ZNF727: variants seen among roughly 807,000 people sequenced by gnomAD.
ZNF727 encodes the protein putative zinc finger protein 727.
In ZNF727, 11 loss-of-function variants were observed where a neutral mutation model predicts 11.5. The observed-to-expected ratio is 0.95, with a 90% CI of 0.60 to 1.58. ZNF727 has a LOEUF of 1.58. ZNF727 is among the 40% of genes most tolerant of loss of function. The pLI is 0.00. For synonymous variants in ZNF727, 171 were observed against 196.1 expected, an observed-to-expected ratio of 0.87 and a Z score of 1.07; for missense variants, 533 against 581.7, an observed-to-expected ratio of 0.92 and a Z score of 0.86.
chr7:64,052,879 G>A (rs571475034), intron 1 of ZNF727, among the ~76,000 whole-genome samples: 1 of 152,176 alleles, frequency 6.6e-6, no homozygotes, highest in Non-Finnish European at 1.5e-5. Flanking sequence ...AAACTTGCGT[G>A]AGACCTGTAG....
intron 1 of ZNF727, among the ~76,000 whole-genome samples, chr7:64,067,523 G>C (rs1342235360): frequency 6.6e-6 from 1 of 152,138 alleles, no homozygotes; most frequent in Non-Finnish European, 1.5e-5. Context: ...TAAAGAAAAT[G>C]TGGCACATAA....
At chr7:64,068,791 C>T in intron 1 of ZNF727, 100 bp from the exon 2 acceptor site, 2 of 1,345,328 alleles carry the variant, frequency 1.5e-6, no homozygotes, top group South Asian at 1.3e-5. Context: ...ACTCCAGTAA[C>T]TCATATAAGT....
In ZNF727 at chr7:64,079,791, CTG is replaced by C. The variant is rs1263248238; in HGVS notation, c.*1244_*1245del. On this transcript the variant is annotated 3_prime_UTR_variant, in exon 4 of 4. Transcript: ENST00000456806. The stretch of plus-strand genomic sequence containing the variant: ...GTACTTTAGTGTGTTTTTGTAGTGA[CTG>C]TTTATAGTCTTTTTCTTATTTAGGG... Among the ~76,000 whole-genome samples the C allele has an allele frequency of 6.6e-6, 1 of 152,052 alleles. No individual in the cohort carries two copies. Among genetic ancestry groups the C allele is most frequent in the Non-Finnish European group, 1.5e-5 (1 of 68,006 alleles).
chr7:64,078,166 T>A lies in ZNF727; in HGVS notation c.1117T>A (p.Cys373Ser). 3 of 1,596,536 alleles carry A rather than the reference T, an allele frequency of 1.9e-6. No homozygotes were observed. Among genetic ancestry groups the A allele is most frequent in the Non-Finnish European group, 2.6e-6 (3 of 1,170,924 alleles). The change falls in exon 4 of 4, where the codon TGT becomes AGT. Residue 373 changes from cysteine (C) to serine (S), a missense_variant. Physicochemically the swap from Cys to Ser is moderately radical, Grantham distance 112 (BLOSUM62 -1). This residue lies in a region of ZNF727 where 463 missense variants were observed against 494.5 expected (regional missense o/e 0.94). Coordinates refer to ENST00000456806, the MANE Select transcript of ZNF727 (RefSeq NM_001159522.3). ...ATTGAGACCTTACAAATGTGAAGAA[T>A]GTGGCAAAACCTTTAAGTGGTTCTC... ...MELRPYKCEECGKTFKWFSDL... is the reference protein window; with the variant it reads ...MELRPYKCEESGKTFKWFSDL...
At chr7:64,060,099 A>G (rs1789747222) in intron 1 of ZNF727, among the ~76,000 whole-genome samples, 1 of 152,184 alleles carries the variant, frequency 6.6e-6, no homozygotes, top group African/African-American at 2.4e-5. Flanking sequence ...AGGCTTCTCA[A>G]TTAATAGTTT....
intron 1 of ZNF727, among the ~76,000 whole-genome samples, chr7:64,052,088 CTT>C (rs1789607895): frequency 6.6e-6 from 1 of 152,124 alleles, no homozygotes; most frequent in Non-Finnish European, 1.5e-5. Flanking sequence ...AATTTAGAAA[CTT>C]TTCAAAGGTG....
chr7:64,074,957 T>C (rs929666786), intron 3 of ZNF727, among the ~76,000 whole-genome samples: 11 of 152,092 alleles, frequency 7.2e-5, no homozygotes, highest in Non-Finnish European at 2.9e-5. Flanking sequence ...TATATTTTTT[T>C]CTTTCTTTCT....
intron 3 of ZNF727, among the ~76,000 whole-genome samples, chr7:64,075,565 A>T (rs1372752151): frequency 1.3e-5 from 2 of 152,140 alleles, no homozygotes; most frequent in East Asian, 3.8e-4. Context: ...CCAAAAAAAA[A>T]TTATGCTCTT....
intron 1 of ZNF727, among the ~76,000 whole-genome samples, chr7:64,059,445 C>A (rs901271684): frequency 1.3e-5 from 2 of 152,176 alleles, no homozygotes; most frequent in African/African-American, 4.8e-5. Context: ...ACTTAACTTT[C>A]AGCTATGAAG....
At position 64,055,497 on chromosome 7, in the gene ZNF727, T is replaced by C. The variant is rs147226300; in HGVS notation, c.3+9873T>C. Reference sequence around the variant, plus strand: ...CCATAACCACCATTGATGTTCATAATTCTTTTTGTCTTGCAAAGTTGAAAC... The same window carrying C: ...CCATAACCACCATTGATGTTCATAACTCTTTTTGTCTTGCAAAGTTGAAAC... On this transcript the variant is annotated intron_variant, in intron 1 of 3. Coordinates refer to ENST00000456806, the MANE Select transcript of ZNF727 (RefSeq NM_001159522.3). Among the ~76,000 whole-genome samples the C allele has an allele frequency of 2.3e-4, 35 of 152,294 alleles. 1 individual carries two copies. The East Asian group carries it at 6.0e-3, about 26-fold the overall frequency.
At chr7:64,074,692 A>G (rs1170374674) in intron 3 of ZNF727, among the ~76,000 whole-genome samples, 3 of 152,158 alleles carry the variant, frequency 2.0e-5, no homozygotes, top group South Asian at 4.1e-4. Flanking sequence ...AAGAAAATCT[A>G]AACATCTATT....
At chr7:64,049,028 G>C (rs146923206) in intron 1 of ZNF727, among the ~76,000 whole-genome samples, 1 of 151,944 alleles carries the variant, frequency 6.6e-6, no homozygotes, top group Non-Finnish European at 1.5e-5. Flanking sequence ...TAGTGGCACA[G>C]GTATTGGCCA....
At chr7:64,056,069 T>C (rs1789681647) in intron 1 of ZNF727, among the ~76,000 whole-genome samples, 2 of 152,234 alleles carry the variant, frequency 1.3e-5, no homozygotes, top group Admixed American at 1.3e-4. Context: ...ATGTTGTTTT[T>C]TGTGTAATAG....
intron 1 of ZNF727, among the ~76,000 whole-genome samples, chr7:64,047,030 A>G (rs1432852838): frequency 6.6e-6 from 1 of 150,482 alleles, no homozygotes; most frequent in Non-Finnish European, 1.5e-5. Context: ...CTTTCGACGT[A>G]GTTAGGTTTC....
intron 1 of ZNF727, among the ~76,000 whole-genome samples, chr7:64,052,500 G>A (rs1232798029): frequency 2.0e-5 from 3 of 151,982 alleles, no homozygotes; most frequent in Non-Finnish European, 2.9e-5. Context: ...GTTTGATGCA[G>A]GGGTGTGGCC....
chr7:64,071,577 A>T (rs529971154), intron 3 of ZNF727, among the ~76,000 whole-genome samples: 2 of 152,058 alleles, frequency 1.3e-5, no homozygotes, highest in East Asian at 3.9e-4. Context: ...TTTCTTGGTT[A>T]TGCAGAAGCG....
chr7:64,050,802 G>A (rs1396350484), intron 1 of ZNF727, among the ~76,000 whole-genome samples: 1 of 151,770 alleles, frequency 6.6e-6, no homozygotes, highest in Non-Finnish European at 1.5e-5. Flanking sequence ...GTGTGTGTGT[G>A]TGTGTGTGTG....
chr7:64,079,141 T>C lies in ZNF727; in HGVS notation c.*592T>C, dbSNP rs545971370. Among the ~76,000 whole-genome samples the C allele has an allele frequency of 1.1e-3, 161 of 152,318 alleles. 1 individual carries two copies. Among genetic ancestry groups the C allele is most frequent in the African/African-American group, 3.8e-3 (159 of 41,578 alleles). ...TTACTAATCATAAGAGAATTCACCC[T>C]GGTGAGAAACCCTACAAATGTGAAG... On this transcript the variant is annotated 3_prime_UTR_variant, in exon 4 of 4. Coordinates refer to ENST00000456806, the MANE Select transcript of ZNF727 (RefSeq NM_001159522.3).
At chr7:64,069,491 G>GTTATTTTT (rs1310404375) in intron 2 of ZNF727, 23 bp from the exon 3 acceptor site, 1 of 1,520,706 alleles carries the variant, frequency 6.6e-7, no homozygotes, top group Admixed American at 2.0e-5. Context: ...CAAGAGTCAT[G>GTTATTTTT]TTATTTTTTT....
Sources: gnomAD v4.1 joint callset for allele counts (sites outside exome capture counted in the v4.1 genomes callset) on GRCh38, gnomAD v4.1.1 for gene constraint, gnomAD v4.1.1 regional missense constraint, MANE v1.5 for transcripts, NCBI Gene and HGNC (gene_info 2026-07-23, HGNC 2026-07-21) for gene names.